Variants in AKIRIN2 observed in about 807,000 individuals in gnomAD.
AKIRIN2 encodes the protein akirin 2, also known as akirin-2.
Under a neutral mutation model 29.3 loss-of-function variants are expected in AKIRIN2, and 6 were observed. The observed-to-expected ratio is 0.20, with a 90% CI of 0.11 to 0.40. The LOEUF is 0.40. AKIRIN2 is among the 10% of genes least tolerant of loss of function. The pLI, the probability that AKIRIN2 is intolerant of heterozygous loss-of-function variation, is 1.00. For synonymous variants in AKIRIN2, 128 were observed against 117.5 expected, an observed-to-expected ratio of 1.09 and a Z score of -0.58; for missense variants, 210 against 276.1, an observed-to-expected ratio of 0.76 and a Z score of 1.70.
chr6:87,686,023 A>G (rs1277233707), intron 1 of AKIRIN2, among the ~76,000 whole-genome samples: 2 of 152,092 alleles, frequency 1.3e-5, no homozygotes, highest in Non-Finnish European at 2.9e-5. Context: ...GAGACCAGCC[A>G]GGCCAACACA....
chr6:87,685,952 C>A (rs1050496081), intron 1 of AKIRIN2, among the ~76,000 whole-genome samples: 1 of 152,162 alleles, frequency 6.6e-6, no homozygotes, highest in Non-Finnish European at 1.5e-5. Flanking sequence ...CAGTGGCTCA[C>A]CCCTTTAATC....
intron 3 of AKIRIN2, among the ~76,000 whole-genome samples, chr6:87,676,523 G>T (rs573335040): frequency 1.4e-5 from 2 of 146,182 alleles, no homozygotes; most frequent in Non-Finnish European, 3.0e-5. Context: ...TTGGGACGCC[G>T]AGGCGGGCAC....
intron 1 of AKIRIN2, among the ~76,000 whole-genome samples, chr6:87,691,349 G>A (rs941993019): frequency 2.0e-5 from 3 of 149,472 alleles, no homozygotes; most frequent in Non-Finnish European, 4.4e-5. Context: ...GCTGAGGCAG[G>A]AGAATTGCTT....
At chr6:87,678,515 AC>A (rs1235369997) in intron 2 of AKIRIN2, among the ~76,000 whole-genome samples, 5 of 152,124 alleles carry the variant, frequency 3.3e-5, no homozygotes, top group Non-Finnish European at 7.4e-5. Flanking sequence ...AAAAATAAAA[AC>A]AAAAAATTAA....
chr6:87,680,770 C>T (rs987882423), intron 2 of AKIRIN2, among the ~76,000 whole-genome samples: 8 of 23,708 alleles, frequency 3.4e-4, no homozygotes, highest in African/African-American at 4.5e-4. Context: ...CCCGCCCCCC[C>T]CCTTTTTTTT....
intron 2 of AKIRIN2, among the ~76,000 whole-genome samples, chr6:87,679,058 A>C (rs576689228): frequency 6.6e-6 from 1 of 151,058 alleles, no homozygotes; most frequent in East Asian, 2.0e-4. Context: ...TCGCTTGAAC[A>C]CAGGAGGCGG....
At chr6:87,683,753 A>G (rs1285682666) in intron 1 of AKIRIN2, among the ~76,000 whole-genome samples, 1 of 152,084 alleles carries the variant, frequency 6.6e-6, no homozygotes, top group African/African-American at 2.4e-5. Context: ...TCCCAGGTTC[A>G]AGCAATTCTC....
intron 1 of AKIRIN2, among the ~76,000 whole-genome samples, chr6:87,697,400 C>T (rs76854183): frequency 0.031 from 4,759 of 151,490 alleles, 251 homozygotes; most frequent in African/African-American, 0.11. Flanking sequence ...GCATAAATCA[C>T]AGAAATATGC....
intron 1 of AKIRIN2, 55 bp downstream of exon 1, chr6:87,701,395 G>A: frequency 1.3e-6 from 2 of 1,516,992 alleles, no homozygotes; most frequent in Non-Finnish European, 1.8e-6. Context: ...CACACCCCAG[G>A]ACCCCTGTTC....
At chr6:87,690,547 C>G (rs1771263421) in intron 1 of AKIRIN2, among the ~76,000 whole-genome samples, 1 of 152,154 alleles carries the variant, frequency 6.6e-6, no homozygotes, top group African/African-American at 2.4e-5. Flanking sequence ...TGACATTAAC[C>G]TATATACAAT....
intron 2 of AKIRIN2, among the ~76,000 whole-genome samples, chr6:87,679,641 G>A (rs1771086850): frequency 6.6e-6 from 1 of 151,820 alleles, no homozygotes. Flanking sequence ...CTCAAGCATT[G>A]AGCTGATAAT....
At chr6:87,676,239 C>T (rs747896536) in intron 3 of AKIRIN2, among the ~76,000 whole-genome samples, 57 of 151,546 alleles carry the variant, frequency 3.8e-4, no homozygotes, top group South Asian at 8.4e-4. Context: ...CCGAGGCGGG[C>T]GGATCACAAG....
chr6:87,679,830 A>G (rs554970458), intron 2 of AKIRIN2, among the ~76,000 whole-genome samples: 5 of 152,366 alleles, frequency 3.3e-5, no homozygotes, highest in Non-Finnish European at 5.9e-5. Flanking sequence ...TAATACTGCT[A>G]AAAGTATTTT....
intron 1 of AKIRIN2, chr6:87,700,806 T>C (rs1771447999): frequency 6.5e-6 from 1 of 154,786 alleles, no homozygotes; most frequent in African/African-American, 2.4e-5. Context: ...GTGATCATAT[T>C]ACAGTACTCG....
intron 3 of AKIRIN2, 61 bp downstream of exon 3, chr6:87,677,757 C>T (rs762431981): frequency 8.4e-6 from 13 of 1,538,896 alleles, no homozygotes; most frequent in Admixed American, 1.8e-5. Flanking sequence ...TTAAAGTACA[C>T]GTGGAAAATG....
chr6:87,687,454 A>AAAAAAT (rs1771207266), intron 1 of AKIRIN2, among the ~76,000 whole-genome samples: 2 of 149,516 alleles, frequency 1.3e-5, no homozygotes, highest in South Asian at 4.2e-4. Flanking sequence ...AAAAAAAAAA[A>AAAAAAT]AACACACTAC....
At chr6:87,700,337 T>A (rs1019320557) in intron 1 of AKIRIN2, among the ~76,000 whole-genome samples, 1 of 152,138 alleles carries the variant, frequency 6.6e-6, no homozygotes, top group African/African-American at 2.4e-5. Flanking sequence ...ACTTCGGTTT[T>A]TTAAGCTACT....
intron 3 of AKIRIN2, among the ~76,000 whole-genome samples, chr6:87,676,316 T>A (rs1224075936): frequency 1.4e-5 from 2 of 142,630 alleles, no homozygotes; most frequent in Admixed American, 1.4e-4. Flanking sequence ...TACAAAAAAA[T>A]TAGCTGGGCA....
intron 2 of AKIRIN2, 149 bp from the exon 3 acceptor site, chr6:87,678,116 A>C: frequency 3.0e-6 from 2 of 672,446 alleles, no homozygotes; most frequent in Non-Finnish European, 4.5e-6. Context: ...CACAAGTCTT[A>C]AAACAACCAA....
Sources: allele counts gnomAD v4.1 joint callset (sites outside exome capture counted in the v4.1 genomes callset), GRCh38; gene constraint gnomAD v4.1.1; transcripts MANE v1.5; gene names NCBI Gene and HGNC (gene_info 2026-07-23, HGNC 2026-07-21).